TBKBP1: variants seen among roughly 807,000 people sequenced by gnomAD.
TBKBP1 encodes the protein TANK-binding kinase 1-binding protein 1.
TBKBP1 carries 47 observed loss-of-function variants against 69.9 expected under a neutral mutation model. The ratio of observed to expected loss-of-function variants is 0.67; its 90% confidence interval spans 0.53 to 0.86. The LOEUF (loss-of-function observed/expected upper bound fraction) is 0.86, where lower values mean the gene tolerates loss of function less well. Among genes scored for constraint, TBKBP1 ranks in the 40% least tolerant of loss-of-function variants. TBKBP1 has a pLI of 0.00. For synonymous variants in TBKBP1, 418 were observed against 390.3 expected, an observed-to-expected ratio of 1.07 and a Z score of -0.84; for missense variants, 831 against 858.6, an observed-to-expected ratio of 0.97 and a Z score of 0.40.
At position 47,708,772 on chromosome 17, in the gene TBKBP1, T is replaced by TG. The variant is rs2143354362; in HGVS notation, c.1040dup (p.Cys347TrpfsTer118). On this transcript the variant is annotated frameshift_variant, in exon 9 of 10. Coordinates refer to ENST00000578982, the MANE Select transcript of TBKBP1 (RefSeq NM_001394755.1). LOFTEE classifies it high-confidence loss of function. The surrounding 1 kb of genome is among the most constrained non-coding windows in gnomAD (Gnocchi z 4.4). ...ACAACGCCACTCCCCGGCCCCCCAG[T>TG]GCCCCTCCCCCTCCCCGCCTGCCCG... 4.2e-4 allele frequency: 213 copies of TG among 512,884 alleles called. No homozygotes were observed. The highest frequency in any genetic ancestry group is 5.8e-4 in the Non-Finnish European group (193 of 333,442). The allele number at this position is 512,884 out of a possible 1,614,324, so 31.8% of individuals were successfully genotyped here.
chr17:47,696,155 GAGGCCCTGGGGCCT>G lies in TBKBP1; in HGVS notation c.46_59del (p.Ala16Ter), dbSNP rs1567902707. 4 of 1,613,268 alleles carry G rather than the reference GAGGCCCTGGGGCCT, an allele frequency of 2.5e-6. No individual in the cohort carries two copies. Among genetic ancestry groups the G allele is most frequent in the African/African-American group, 1.3e-5 (1 of 74,926 alleles). Reference sequence around the variant, plus strand: ...GGACGACATCAGCATCCTGACGCAGGAGGCCCTGGGGCCTAGTGAGGTGTGGCTGGACAGTCCCG... The same window carrying G: ...GGACGACATCAGCATCCTGACGCAGGAGTGAGGTGTGGCTGGACAGTCCCG... On this transcript the variant is annotated frameshift_variant, in exon 2 of 10. Coordinates refer to ENST00000578982, the MANE Select transcript of TBKBP1 (RefSeq NM_001394755.1). LOFTEE classifies it high-confidence loss of function.
In TBKBP1 at chr17:47,698,729, A is replaced by G. The variant is rs1211487304; in HGVS notation, c.588A>G (p.Leu196=). The G allele has an allele frequency of 1.9e-6, 3 of 1,603,390 alleles. No homozygotes were observed. Among genetic ancestry groups the G allele is most frequent in the Non-Finnish European group, 1.7e-6 (2 of 1,174,396 alleles). The stretch of plus-strand genomic sequence containing the variant: ...CCCCCGCCCCTCCCTGCACTGATTT[A>G]GACCTGCACTACCTGGCACTGAGAG... ...PPAPAPPCTD[L]DLHYLALRGG... is the part of the protein sequence containing the mutation. Residue 196 remains leucine, a synonymous_variant, in exon 5 of 10, where the codon TTA becomes TTG. Coordinates refer to ENST00000578982, the MANE Select transcript of TBKBP1 (RefSeq NM_001394755.1).
Position 47,708,548 on chromosome 17 carries a change from G to C in TBKBP1, c.991+36G>C. Reference sequence around the variant, plus strand: ...GCAGGGCAGGGGGAGGCAGCCGCGGGACCCGGGAAGGAGCGGGTAGCCATG... The same window carrying C: ...GCAGGGCAGGGGGAGGCAGCCGCGGCACCCGGGAAGGAGCGGGTAGCCATG... On this transcript the variant is annotated intron_variant, in intron 8 of 9. Coordinates refer to ENST00000578982, the MANE Select transcript of TBKBP1 (RefSeq NM_001394755.1). The surrounding 1 kb of genome is among the most constrained non-coding windows in gnomAD (Gnocchi z 4.4). 6.2e-7 allele frequency: 1 copy of C among 1,605,676 alleles called. No individual in the cohort carries two copies. The highest frequency in any genetic ancestry group is 8.5e-7 in the Non-Finnish European group (1 of 1,173,632).
Position 47,710,527 on chromosome 17 carries a change from C to A in TBKBP1, c.1749C>A (p.Ile583=). 6.2e-7 allele frequency: 1 copy of A among 1,611,582 alleles called. No homozygotes were observed. Among genetic ancestry groups the A allele is most frequent in the Non-Finnish European group, 8.5e-7 (1 of 1,178,416 alleles). Residue 583 remains isoleucine, a synonymous_variant, in exon 10 of 10, where the codon ATC becomes ATA. Coordinates refer to ENST00000578982, the MANE Select transcript of TBKBP1 (RefSeq NM_001394755.1). ...TGATGGAGACGGTGGGCTCCGACAT[C>A]CGCAGCTGCCCCCTCTGCCAGCTGG... ...NLLMETVGSD[I]RSCPLCQLGF...
rs1194042148 is a variant in TBKBP1 at position 47,699,446 on chromosome 17, G to A, written c.761G>A (p.Cys254Tyr). The A allele has an allele frequency of 6.4e-7, 1 of 1,570,708 alleles. No individual in the cohort carries two copies. The highest frequency in any genetic ancestry group is 8.6e-7 in the Non-Finnish European group (1 of 1,159,852). Residue 254 changes from cysteine (C) to tyrosine (Y), a missense_variant, in exon 6 of 10, where the codon TGC becomes TAC. Cys to Tyr is a radical substitution (Grantham distance 194). Coordinates refer to ENST00000578982, the MANE Select transcript of TBKBP1 (RefSeq NM_001394755.1). ...QLREEQLQAE[C>Y]ERLQGELKQL... is the part of the protein sequence containing the mutation. ...CGGGAGGAGCAGCTCCAGGCCGAGTGCGAGCGGCTGCAGGGGGAGCTGAAG... is the reference window on the plus strand; with the variant it reads ...CGGGAGGAGCAGCTCCAGGCCGAGTACGAGCGGCTGCAGGGGGAGCTGAAG...
intron 1 of TBKBP1, 130 bp from the exon 2 acceptor site, chr17:47,695,949 G>A: frequency 1.7e-6 from 1 of 602,124 alleles, no homozygotes; most frequent in Non-Finnish European, 2.9e-6. Context: ...GGGAGTCCCT[G>A]CTGAGCTCGG....
At chr17:47,710,311 C>T (rs1186002085) in intron 9 of TBKBP1, among the ~76,000 whole-genome samples, 187 bp from the exon 10 acceptor site, 1 of 152,142 alleles carries the variant, frequency 6.6e-6, no homozygotes, top group Non-Finnish European at 1.5e-5. Context: ...TCCTGGGGAC[C>T]CTGTCCCTGG....
intron 4 of TBKBP1, 36 bp from the exon 5 acceptor site, chr17:47,698,559 G>A: frequency 6.5e-7 from 1 of 1,540,588 alleles, no homozygotes; most frequent in Non-Finnish European, 8.8e-7. Context: ...GAAGTCCTGG[G>A]CCTGTGCAGA....
At chr17:47,704,855 C>A (rs1304313973) in intron 7 of TBKBP1, among the ~76,000 whole-genome samples, 1 of 152,190 alleles carries the variant, frequency 6.6e-6, no homozygotes, top group African/African-American at 2.4e-5. Context: ...TGAAAGGATG[C>A]GAAGCGTGGA....
chr17:47,698,846 A>C (rs2031365609), intron 5 of TBKBP1, 71 bp downstream of exon 5: 22 of 1,331,684 alleles, frequency 1.7e-5, no homozygotes, highest in Non-Finnish European at 2.2e-5. Flanking sequence ...GACACCTCGC[A>C]CTTACTTACC....
intron 4 of TBKBP1, among the ~76,000 whole-genome samples, 155 bp from the exon 5 acceptor site, chr17:47,698,440 G>T (rs1298534747): frequency 6.6e-6 from 1 of 152,240 alleles, no homozygotes; most frequent in East Asian, 1.9e-4. Context: ...CAGCTGCATT[G>T]CGGTGGCTGA....
chr17:47,709,448 T>G lies in TBKBP1; in HGVS notation c.1715T>G (p.Ile572Ser). The G allele has an allele frequency of 6.6e-7, 1 of 1,524,484 alleles. No individual in the cohort carries two copies. Among genetic ancestry groups the G allele is most frequent in the Non-Finnish European group, 8.7e-7 (1 of 1,143,920 alleles). The allele number at this position is 1,524,484 out of a possible 1,614,324, so 94.4% of individuals were successfully genotyped here. Residue 572 changes from isoleucine to serine, a missense_variant, in exon 9 of 10, where the codon ATC becomes AGC. Ile to Ser is a moderately radical substitution (Grantham distance 142). Coordinates refer to ENST00000578982, the MANE Select transcript of TBKBP1 (RefSeq NM_001394755.1). Reference sequence around the variant, plus strand: ...GAGCACGCGCAGTCCTGGCCGTCCATCAACGTGAGTGGGGCGCCCGCGTTC... The same window carrying G: ...GAGCACGCGCAGTCCTGGCCGTCCAGCAACGTGAGTGGGGCGCCCGCGTTC... ...HAEHAQSWPSINLLMETVGSD... is the reference protein window; with the variant it reads ...HAEHAQSWPSSNLLMETVGSD...
chr17:47,701,029 C>T (rs958495155), intron 7 of TBKBP1, among the ~76,000 whole-genome samples: 2 of 152,166 alleles, frequency 1.3e-5, no homozygotes, highest in African/African-American at 2.4e-5. Context: ...AAGACTGAGG[C>T]CCAGAGAGGG....
intron 7 of TBKBP1, among the ~76,000 whole-genome samples, chr17:47,702,844 C>A (rs948763933): frequency 6.6e-6 from 1 of 152,064 alleles, no homozygotes; most frequent in African/African-American, 2.4e-5. Flanking sequence ...GAGGTAAAGA[C>A]CCTGACCCTT....
In TBKBP1 at chr17:47,696,764, C is replaced by G. The variant is rs148796556; in HGVS notation, c.279C>G (p.Ile93Met). ...GEEHGFSLYE[I>M]KDGSLLEVEK... ...AGCATGGCTTTTCTCTGTATGAAATCAAGGATGGCTCCCTGCTGGAGGTGG... is the reference window on the plus strand; with the variant it reads ...AGCATGGCTTTTCTCTGTATGAAATGAAGGATGGCTCCCTGCTGGAGGTGG... Residue 93 changes from isoleucine to methionine, a missense_variant, in exon 3 of 10, where the codon ATC (isoleucine) becomes ATG (methionine). Coordinates refer to ENST00000578982, the MANE Select transcript of TBKBP1 (RefSeq NM_001394755.1). 2 of 1,613,888 alleles carry G rather than the reference C, an allele frequency of 1.2e-6. No individual in the cohort carries two copies. The highest frequency in any genetic ancestry group is 2.7e-5 in the African/African-American group (2 of 74,934).
At position 47,699,447 on chromosome 17, in the gene TBKBP1, C is replaced by T. The variant is rs1249853285; in HGVS notation, c.762C>T (p.Cys254=). 5.7e-6 allele frequency: 9 copies of T among 1,569,324 alleles called. No individual in the cohort carries two copies. Among genetic ancestry groups the T allele is most frequent in the Admixed American group, 1.9e-5 (1 of 52,358 alleles). ...GGGAGGAGCAGCTCCAGGCCGAGTG[C>T]GAGCGGCTGCAGGGGGAGCTGAAGC... The part of the protein sequence containing the change: ...QLREEQLQAE[C]ERLQGELKQL... The change falls in exon 6 of 10, where the codon TGC becomes TGT. Residue 254 remains cysteine, a synonymous_variant. Coordinates refer to ENST00000578982, the MANE Select transcript of TBKBP1 (RefSeq NM_001394755.1).
In TBKBP1 at chr17:47,699,406, C is replaced by A; in HGVS notation, c.721C>A (p.Arg241=). The part of the protein sequence containing the change: ...EALEAAQGEA[R]GAQLREEQLQ... ...TTTGGAGGCCGCGCAGGGAGAGGCC[C>A]GGGGGGCTCAGCTCCGGGAGGAGCA... Residue 241 remains arginine (R), a synonymous_variant, in exon 6 of 10, where the codon CGG becomes AGG. Coordinates refer to ENST00000578982, the MANE Select transcript of TBKBP1 (RefSeq NM_001394755.1). 2 of 1,566,590 alleles carry A rather than the reference C, an allele frequency of 1.3e-6. No homozygotes were observed. Among genetic ancestry groups the A allele is most frequent in the East Asian group, 2.3e-5 (1 of 44,198 alleles).
Position 47,708,755 on chromosome 17 carries a change from ACTCCCCGGCCCCCCAGTGCCCCTCCCC to A in TBKBP1, c.1030_1056del (p.Ala344_Pro352del). 7.3e-7 allele frequency: 1 copy of A among 1,360,656 alleles called. No individual in the cohort carries two copies. Among genetic ancestry groups the A allele is most frequent in the Non-Finnish European group, 9.5e-7 (1 of 1,049,210 alleles). 84.3% of individuals were successfully genotyped at this position (1,360,656 alleles called of 1,614,324 possible). Reference sequence around the variant, plus strand: ...AGGCACTCGCCGCTGTCACAACGCCACTCCCCGGCCCCCCAGTGCCCCTCCCCCTCCCCGCCTGCCCGAGCGGCTCCC... The same window carrying A: ...AGGCACTCGCCGCTGTCACAACGCCACTCCCCGCCTGCCCGAGCGGCTCCC... On this transcript the variant is annotated inframe_deletion, in exon 9 of 10. Transcript: ENST00000578982. This position sits in a 1 kb window ranked among gnomAD's most constrained non-coding sequence, Gnocchi z 4.4.
At chr17:47,700,310 T>TGTA in intron 7 of TBKBP1, among the ~76,000 whole-genome samples, 6 of 117,926 alleles carry the variant, frequency 5.1e-5, no homozygotes, top group African/African-American at 1.3e-4. Flanking sequence ...TTTTTTTTTT[T>TGTA]TTTTTTGGAT....
Sources: gnomAD v4.1 joint callset for allele counts (sites outside exome capture counted in the v4.1 genomes callset) on GRCh38, gnomAD v4.1.1 for gene constraint, Gnocchi (gnomAD v3.1) non-coding constraint, MANE v1.5 for transcripts, NCBI Gene and HGNC (gene_info 2026-07-23, HGNC 2026-07-21) for gene names.